The following DNAH14 variants were observed in gnomAD, a reference collection of about 807,000 sequenced individuals.
DNAH14 encodes the protein dynein axonemal heavy chain 14.
In DNAH14, 478 loss-of-function variants were observed where a neutral mutation model predicts 520.9. The observed-to-expected ratio is 0.92, with a 90% confidence interval of 0.85 to 0.99. DNAH14 has a LOEUF of 0.99. Among genes scored for constraint, DNAH14 ranks in the 50% least tolerant of loss-of-function variants. DNAH14 has a pLI of 0.00. For synonymous variants in DNAH14, 1,581 were observed against 1,757.2 expected (o/e 0.90, Z 2.51); for missense variants, 4,831 against 5,234.5 (o/e 0.92, Z 2.38).
intron 1 of DNAH14, among the ~76,000 whole-genome samples, chr1:224,946,586 GA>G (rs1236388686): frequency 2.0e-5 from 3 of 152,140 alleles, no homozygotes; most frequent in African/African-American, 7.2e-5. Context: ...CTGTAGACTG[GA>G]GATGTTCCTA....
intron 17 of DNAH14, among the ~76,000 whole-genome samples, chr1:225,060,978 G>T (rs2069982996): frequency 6.9e-6 from 1 of 145,780 alleles, no homozygotes; most frequent in Non-Finnish European, 1.5e-5. Flanking sequence ...ACTTGAGGAG[G>T]CAGTCTGTCC....
intron 43 of DNAH14, among the ~76,000 whole-genome samples, chr1:225,241,120 A>G (rs919476991): frequency 1.3e-5 from 2 of 152,176 alleles, no homozygotes; most frequent in African/African-American, 4.8e-5. Flanking sequence ...TATTATCCAT[A>G]TCGCCATGTA....
chr1:225,230,964 T>C (rs2091050463), intron 41 of DNAH14, 109 bp from the exon 42 acceptor site: 2 of 672,936 alleles, frequency 3.0e-6, no homozygotes, highest in South Asian at 5.0e-5. Context: ...ATAAAGATAT[T>C]CTATGATAAT....
chr1:225,122,377 C>T (rs2077368684), intron 26 of DNAH14, among the ~76,000 whole-genome samples: 1 of 152,150 alleles, frequency 6.6e-6, no homozygotes, highest in Non-Finnish European at 1.5e-5. Flanking sequence ...GAGTAACTTG[C>T]CTTTTAGTGC....
chr1:225,294,159 A>T (rs2093955344), intron 55 of DNAH14, among the ~76,000 whole-genome samples: 1 of 152,002 alleles, frequency 6.6e-6, no homozygotes, highest in South Asian at 2.1e-4. Context: ...AGGATGTTGG[A>T]TTTTATTTAA....
At chr1:225,300,694 G>A (rs934165582) in intron 55 of DNAH14, among the ~76,000 whole-genome samples, 175 bp from the exon 56 acceptor site, 2 of 151,056 alleles carry the variant, frequency 1.3e-5, no homozygotes, top group Non-Finnish European at 2.9e-5. Context: ...AACAGGGTGA[G>A]ACTTTGTCTC....
intron 48 of DNAH14, among the ~76,000 whole-genome samples, chr1:225,266,223 T>A (rs1235805516): frequency 6.6e-6 from 1 of 152,110 alleles, no homozygotes; most frequent in East Asian, 1.9e-4. Context: ...TAAACCAGGG[T>A]GCATATGGAA....
At chr1:225,351,911 A>G (rs1226213868) in intron 72 of DNAH14, 28 bp downstream of exon 72, 1 of 1,521,230 alleles carries the variant, frequency 6.6e-7, no homozygotes, top group African/African-American at 1.4e-5. Flanking sequence ...GTTTTAACCT[A>G]ACTTAAGTAT....
chr1:225,250,214 G>T (rs1314093104), intron 43 of DNAH14, among the ~76,000 whole-genome samples: 1 of 152,138 alleles, frequency 6.6e-6, no homozygotes, highest in Non-Finnish European at 1.5e-5. Context: ...TAGGGTTCTT[G>T]TTCTCCAAAT....
In DNAH14 at chr1:225,249,713, G is replaced by A. The variant is rs117404306; in HGVS notation, c.6749-2588G>A. On this transcript the variant is annotated intron_variant, in intron 43 of 85. Transcript: ENST00000682510. Reference sequence around the variant, plus strand: ...CATACATCAGTTTTAGAATATTTTCGTCTTTCCATTATGATCTCCGTTCCC... The same window carrying A: ...CATACATCAGTTTTAGAATATTTTCATCTTTCCATTATGATCTCCGTTCCC... 6.1e-4 allele frequency among the ~76,000 whole-genome samples: 93 copies of A among 152,230 alleles called. No homozygotes were observed. In the East Asian group the frequency reaches 8.9e-3, roughly 15 times the overall value.
At chr1:225,073,219 G>A (rs182332533) in intron 17 of DNAH14, among the ~76,000 whole-genome samples, 1 of 152,156 alleles carries the variant, frequency 6.6e-6, no homozygotes, top group Admixed American at 6.5e-5. Context: ...CCATGTTTTT[G>A]TGGGGGTGTT....
chr1:224,981,181 A>AGT (rs1434596754), intron 8 of DNAH14, among the ~76,000 whole-genome samples: 1 of 152,188 alleles, frequency 6.6e-6, no homozygotes, highest in Non-Finnish European at 1.5e-5. Flanking sequence ...TGTTGGATTC[A>AGT]GTTAGCTAGT....
chr1:225,322,239 G>A (rs528996407), intron 61 of DNAH14, among the ~76,000 whole-genome samples: 6 of 151,460 alleles, frequency 4.0e-5, no homozygotes, highest in Admixed American at 6.6e-5. Context: ...ACAGGCACCC[G>A]CCACCATACC....
chr1:225,027,307 A>G (rs1026583452), intron 11 of DNAH14, among the ~76,000 whole-genome samples: 1 of 152,112 alleles, frequency 6.6e-6, no homozygotes, highest in African/African-American at 2.4e-5. Context: ...AGGAATGGTG[A>G]AAGCGAACAT....
intron 18 of DNAH14, 124 bp downstream of exon 18, chr1:225,079,672 CTTTT>C (rs58242386): frequency 4.7e-4 from 152 of 325,764 alleles, no homozygotes; most frequent in East Asian, 1.2e-3. Context: ...TACAAGTATT[CTTTT>C]TTTTTTTTTT....
At chr1:225,372,361 T>C (rs1338524341) in intron 77 of DNAH14, among the ~76,000 whole-genome samples, 1 of 152,136 alleles carries the variant, frequency 6.6e-6, no homozygotes, top group Non-Finnish European at 1.5e-5. Flanking sequence ...CTAAAATCAA[T>C]ATTGTTTGGC....
intron 36 of DNAH14, among the ~76,000 whole-genome samples, chr1:225,175,849 C>G (rs960583177): frequency 6.6e-6 from 1 of 151,832 alleles, no homozygotes; most frequent in Non-Finnish European, 1.5e-5. Flanking sequence ...CTCTGCACCT[C>G]CAGGGTTCAA....
intron 12 of DNAH14, among the ~76,000 whole-genome samples, chr1:225,040,419 C>A (rs74146611): frequency 0.043 from 6,562 of 152,066 alleles, 417 homozygotes; most frequent in African/African-American, 0.14. Context: ...ATTTTACTTT[C>A]GTATATGTAT....
At chr1:225,131,731 T>C (rs1264616479) in intron 27 of DNAH14, among the ~76,000 whole-genome samples, 1 of 152,224 alleles carries the variant, frequency 6.6e-6, no homozygotes, top group Non-Finnish European at 1.5e-5. Flanking sequence ...AGCTAATTAT[T>C]GTTTTTCTGG....
Sources: allele counts gnomAD v4.1 joint callset (sites outside exome capture counted in the v4.1 genomes callset), GRCh38; gene constraint gnomAD v4.1.1; transcripts MANE v1.5; gene names NCBI Gene and HGNC (gene_info 2026-07-23, HGNC 2026-07-21).